The following CGNL1 variants were observed in gnomAD, a reference collection of about 807,000 sequenced individuals.
CGNL1 encodes cingulin-like protein 1.
In CGNL1, 132 loss-of-function variants were observed where a neutral mutation model predicts 141.2. That is an observed-to-expected ratio of 0.93 (90% CI 0.81 to 1.08). CGNL1 has a LOEUF of 1.08. CGNL1 is among the 50% of genes least tolerant of loss of function. The pLI is 0.00. For synonymous variants in CGNL1, 690 were observed against 622.1 expected (o/e 1.11, Z -1.63); for missense variants, 1,870 against 1,588.6 (o/e 1.18, Z -3.01).
chr15:57,506,348 G>A (rs1007687583), intron 8 of CGNL1, among the ~76,000 whole-genome samples: 2 of 152,342 alleles, frequency 1.3e-5, no homozygotes, highest in South Asian at 4.1e-4. Flanking sequence ...TGGTCACAAG[G>A]TTAGCTTAGA....
chr15:57,469,459 A>C (rs886851983), intron 8 of CGNL1, among the ~76,000 whole-genome samples: 10 of 151,674 alleles, frequency 6.6e-5, no homozygotes, highest in Non-Finnish European at 1.5e-4. Context: ...AGACACAGAC[A>C]CAGAGACCTG....
At chr15:57,481,064 GTTT>G (rs11298152) in intron 8 of CGNL1, among the ~76,000 whole-genome samples, 10 of 116,086 alleles carry the variant, frequency 8.6e-5, no homozygotes, top group African/African-American at 1.3e-4. Flanking sequence ...AAGACCTGGG[GTTT>G]TTTTTTTTTT....
At chr15:57,395,372 A>G (rs1186764190) in intron 1 of CGNL1, among the ~76,000 whole-genome samples, 1 of 152,260 alleles carries the variant, frequency 6.6e-6, no homozygotes, top group East Asian at 1.9e-4. Flanking sequence ...TTCGGAAGCT[A>G]AATAATCCCA....
At chr15:57,543,649 C>T (rs755783724) in intron 14 of CGNL1, 47 bp from the exon 15 acceptor site, 1 of 1,500,114 alleles carries the variant, frequency 6.7e-7, no homozygotes, top group Non-Finnish European at 9.3e-7. Flanking sequence ...ACAAAAGATA[C>T]AGGAACAGTC....
chr15:57,533,032 G>A (rs898411854), intron 14 of CGNL1, among the ~76,000 whole-genome samples: 9 of 152,336 alleles, frequency 5.9e-5, no homozygotes, highest in African/African-American at 1.9e-4. Context: ...AGCACCTTAT[G>A]AGCAGGCAGC....
At chr15:57,404,126 CTTGTTCT>C (rs1312245663) in intron 1 of CGNL1, among the ~76,000 whole-genome samples, 2 of 152,214 alleles carry the variant, frequency 1.3e-5, no homozygotes. Flanking sequence ...TGCCTGTGTG[CTTGTTCT>C]TATTAACCAA....
intron 1 of CGNL1, among the ~76,000 whole-genome samples, chr15:57,437,534 G>T (rs1055182485): frequency 7.1e-6 from 1 of 141,510 alleles, no homozygotes; most frequent in Non-Finnish European, 1.5e-5. Context: ...TCATGGAAAA[G>T]TACCTAGTTC....
In CGNL1 at chr15:57,470,020, G is replaced by C. The variant is rs182649136; in HGVS notation, c.2403+8128G>C. 3.4e-3 allele frequency among the ~76,000 whole-genome samples: 517 copies of C among 152,230 alleles called. 6 individuals are homozygous for C. The highest frequency in any genetic ancestry group is 4.2e-3 in the Admixed American group (65 of 15,296). ...CTCCAAGGGAGCCAGGTTAGCTAGG[G>C]AAACAGCAAAAATTCCTCATTTCCT... On this transcript the variant is annotated intron_variant, in intron 8 of 18. Coordinates refer to ENST00000281282, the MANE Select transcript of CGNL1 (RefSeq NM_032866.5).
intron 4 of CGNL1, among the ~76,000 whole-genome samples, chr15:57,448,855 G>A (rs1220190554): frequency 1.3e-5 from 2 of 151,738 alleles, no homozygotes; most frequent in African/African-American, 4.8e-5. Flanking sequence ...TAGACCGAGT[G>A]GGTGATGAGT....
chr15:57,523,709 G>T, intron 11 of CGNL1, 68 bp downstream of exon 11: 1 of 1,564,342 alleles, frequency 6.4e-7, no homozygotes, highest in Non-Finnish European at 8.7e-7. Flanking sequence ...CCCCTCTGAG[G>T]GTCTGGTGAA....
At chr15:57,413,166 C>T (rs1412192089) in intron 1 of CGNL1, among the ~76,000 whole-genome samples, 2 of 151,076 alleles carry the variant, frequency 1.3e-5, no homozygotes, top group Admixed American at 6.6e-5. Flanking sequence ...CCTTCTTCTC[C>T]TTCTTTCTTT....
At chr15:57,422,013 G>T (rs986528932) in intron 1 of CGNL1, among the ~76,000 whole-genome samples, 9 of 151,906 alleles carry the variant, frequency 5.9e-5, no homozygotes, top group African/African-American at 1.9e-4. Flanking sequence ...ACAAATATCT[G>T]CTCATATTTT....
chr15:57,445,745 G>C (rs1303715893), intron 4 of CGNL1, among the ~76,000 whole-genome samples: 5 of 152,258 alleles, frequency 3.3e-5, no homozygotes, highest in African/African-American at 1.2e-4. Context: ...AGATGCCGCC[G>C]TTTCTAGCTT....
In CGNL1 at chr15:57,413,206, T is replaced by TCTCTCTTCCTTTCTTC. The variant is rs1555431825; in HGVS notation, c.-15-24769_-15-24768insTTCTTCCTCTCTTCCT. Among the ~76,000 whole-genome samples the TCTCTCTTCCTTTCTTC allele has an allele frequency of 6.2e-3, 801 of 128,320 alleles. 13 individuals are homozygous for TCTCTCTTCCTTTCTTC. Among genetic ancestry groups the TCTCTCTTCCTTTCTTC allele is most frequent in the African/African-American group, 0.024 (764 of 32,446 alleles). 84.2% of individuals were successfully genotyped at this position (128,320 alleles called of 152,430 possible). On this transcript the variant is annotated intron_variant, in intron 1 of 18. Coordinates refer to ENST00000281282, the MANE Select transcript of CGNL1 (RefSeq NM_032866.5). ...CTTTCTCTCTTTCTCTTTCTCTCTT[T>TCTCTCTTCCTTTCTTC]CTCTCTTCCTCTCTTCCTCCCTCCC... is the stretch of plus-strand genomic sequence containing the variant.
chr15:57,521,742 C>G (rs1003079231), intron 10 of CGNL1, among the ~76,000 whole-genome samples: 2 of 152,032 alleles, frequency 1.3e-5, no homozygotes, highest in Non-Finnish European at 1.5e-5. Context: ...AAGAGTGGAG[C>G]AGAAATGCAT....
chr15:57,456,090 C>G (rs1297111441), intron 7 of CGNL1, among the ~76,000 whole-genome samples: 1 of 152,198 alleles, frequency 6.6e-6, no homozygotes, highest in Non-Finnish European at 1.5e-5. Flanking sequence ...AACACTTAAA[C>G]TATGATCTAC....
intron 1 of CGNL1, among the ~76,000 whole-genome samples, chr15:57,390,512 G>A (rs2062530963): frequency 6.6e-6 from 1 of 152,188 alleles, no homozygotes; most frequent in African/African-American, 2.4e-5. Flanking sequence ...AAGTCATATG[G>A]CAAAGAAGGT....
At chr15:57,428,619 G>A (rs1365899747) in intron 1 of CGNL1, among the ~76,000 whole-genome samples, 6 of 152,172 alleles carry the variant, frequency 3.9e-5, no homozygotes, top group Admixed American at 3.9e-4. Context: ...CCAAGGAAGA[G>A]GCAGGAGCTG....
chr15:57,437,618 GCAAAAAAAA>G (rs757896015), intron 1 of CGNL1, among the ~76,000 whole-genome samples: 2,091 of 7,596 alleles, frequency 0.28, 19 homozygotes, highest in Middle Eastern at 0.39. Context: ...CAACTAAACA[GCAAAAAAAA>G]AAAAAAAAAA....
Sources: gnomAD v4.1 joint callset for allele counts (sites outside exome capture counted in the v4.1 genomes callset) on GRCh38, gnomAD v4.1.1 for gene constraint, MANE v1.5 for transcripts, NCBI Gene and HGNC (gene_info 2026-07-23, HGNC 2026-07-21) for gene names.